The following AMDHD2 variants were observed in gnomAD, a reference collection of about 807,000 sequenced individuals.
AMDHD2 encodes N-acetylglucosamine-6-phosphate deacetylase.
A neutral mutation model predicts 41.8 loss-of-function variants in AMDHD2; 24 were observed. That is an observed-to-expected ratio of 0.57 (90% CI 0.42 to 0.81). The LOEUF is 0.81. Among genes scored for constraint, AMDHD2 ranks in the 30% least tolerant of loss-of-function variants. AMDHD2 has a pLI of 0.00. For synonymous variants in AMDHD2, 332 were observed against 255.5 expected, an observed-to-expected ratio of 1.30 and a Z score of -2.85; for missense variants, 540 against 588.5, an observed-to-expected ratio of 0.92 and a Z score of 0.85.
At chr16:2,524,720 G>T (rs531352331) in intron 3 of AMDHD2, among the ~76,000 whole-genome samples, 157 of 152,126 alleles carry the variant, frequency 1.0e-3, no homozygotes, top group Non-Finnish European at 1.7e-3. Flanking sequence ...TGGAATTTGC[G>T]CCCGTAGCTC....
intron 9 of AMDHD2, 107 bp downstream of exon 9, chr16:2,528,825 C>T (rs944480723): frequency 3.2e-6 from 5 of 1,565,146 alleles, no homozygotes; most frequent in Non-Finnish European, 4.3e-6. Flanking sequence ...CACAGGAGCT[C>T]CTGGGCATTG....
Position 2,520,869 on chromosome 16 carries a change from A to T in AMDHD2, c.184A>T (p.Ile62Phe). The T allele has an allele frequency of 5.0e-6, 8 of 1,609,196 alleles. No individual in the cohort carries two copies. The highest frequency in any genetic ancestry group is 6.8e-6 in the Non-Finnish European group (8 of 1,177,832). Residue 62 changes from isoleucine (I) to phenylalanine (F), a missense_variant, in exon 2 of 11, where the codon ATC becomes TTC. Transcript: ENST00000293971. Reference protein sequence around the residue: ...ADERRDCGGRILAPGFIDVQI... With the variant: ...ADERRDCGGRFLAPGFIDVQI... ...CGAGCGGCGGGACTGCGGGGGCCGCATCTTGGCTCCCGGATTCATCGACGT... is the reference window on the plus strand; with the variant it reads ...CGAGCGGCGGGACTGCGGGGGCCGCTTCTTGGCTCCCGGATTCATCGACGT...
intron 3 of AMDHD2, among the ~76,000 whole-genome samples, chr16:2,524,556 GA>G (rs966602877): frequency 8.5e-5 from 13 of 152,222 alleles, no homozygotes; most frequent in African/African-American, 3.1e-4. Context: ...CTCCATTCTG[GA>G]AAAACTCAGC....
At position 2,522,780 on chromosome 16, in the gene AMDHD2, C is replaced by G. The variant is rs1399127985; in HGVS notation, c.360+1657C>G. ...TCTACTGCCTCGGCCTCCCATAGTG[C>G]TGGGATTATAGGCGAGAGCCACTGT... On this transcript the variant is annotated intron_variant, in intron 3 of 10. Transcript: ENST00000293971. Among the ~76,000 whole-genome samples the G allele has an allele frequency of 2.0e-5, 3 of 151,948 alleles. No homozygotes were observed. In the East Asian group the frequency reaches 5.8e-4, roughly 29 times the overall value.
chr16:2,523,273 G>A (rs1170954414), intron 3 of AMDHD2, among the ~76,000 whole-genome samples: 10 of 152,102 alleles, frequency 6.6e-5, no homozygotes, highest in Admixed American at 1.3e-4. Flanking sequence ...CAGAGCCCCC[G>A]CCGTTTTCCC....
At chr16:2,525,692 T>C (rs373390046) in intron 3 of AMDHD2, among the ~76,000 whole-genome samples, 25 of 152,226 alleles carry the variant, frequency 1.6e-4, no homozygotes, top group African/African-American at 5.1e-4. Context: ...CTACAGGTGC[T>C]CGCCACCACG....
At position 2,530,677 on chromosome 16, in the gene AMDHD2, A is replaced by G; in HGVS notation, c.*1114A>G. The G allele has an allele frequency of 6.2e-7, 1 of 1,614,076 alleles. No homozygotes were observed. The highest frequency in any genetic ancestry group is 8.5e-7 in the Non-Finnish European group (1 of 1,179,946). On this transcript the variant is annotated 3_prime_UTR_variant, in exon 11 of 11. Transcript: ENST00000293971. ...CAGTTAAGGAAATGTCTCCAGGTCC[A>G]AAGAGATAGGATGGTCTGGGCCCCA...
chr16:2,521,853 G>C (rs2065943509), intron 3 of AMDHD2, among the ~76,000 whole-genome samples: 1 of 126,536 alleles, frequency 7.9e-6, no homozygotes, highest in African/African-American at 3.0e-5. Context: ...GCACAATCTT[G>C]GCTCACTGCA....
At chr16:2,526,751 T>C (rs1002715013) in intron 3 of AMDHD2, among the ~76,000 whole-genome samples, 18 of 151,856 alleles carry the variant, frequency 1.2e-4, no homozygotes, top group African/African-American at 4.1e-4. Flanking sequence ...ACCTACATGG[T>C]GAAACCCCGC....
rs530024687 is a variant in AMDHD2 at position 2,525,022 on chromosome 16, C to T, written c.361-2539C>T. 2.6e-5 allele frequency among the ~76,000 whole-genome samples: 4 copies of T among 151,698 alleles called. No individual in the cohort carries two copies. The Admixed American group carries it at 2.6e-4, about 10-fold the overall frequency. ...TTCTTGGCTCTAACCCAATTCCAGG[C>T]TTCCTCCTGATTGTTTCACTCTTCT... On this transcript the variant is annotated intron_variant, in intron 3 of 10. Transcript: ENST00000293971.
At chr16:2,528,784 C>T (rs1388014307) in intron 9 of AMDHD2, 66 bp downstream of exon 9, 30 of 1,592,872 alleles carry the variant, frequency 1.9e-5, no homozygotes, top group Admixed American at 3.7e-5. Context: ...GGGGCTGGAC[C>T]GGGTGCCCGG....
chr16:2,522,457 C>A (rs1217374542), intron 3 of AMDHD2, among the ~76,000 whole-genome samples: 1 of 152,074 alleles, frequency 6.6e-6, no homozygotes, highest in Non-Finnish European at 1.5e-5. Flanking sequence ...GCAGGCGGAC[C>A]ACGAAGTCAG....
In AMDHD2 at chr16:2,530,148, G is replaced by GC; in HGVS notation, c.*588dup. On this transcript the variant is annotated 3_prime_UTR_variant, in exon 11 of 11. Transcript: ENST00000293971. ...CTCTGACCTCCAGGAGGGAGACTGG[G>GC]CCCGGGACCCCTGTTTTCTGCTCCC... is the stretch of plus-strand genomic sequence containing the variant. 7.1e-7 allele frequency: 1 copy of GC among 1,415,208 alleles called. No individual in the cohort carries two copies. The highest frequency in any genetic ancestry group is 1.4e-5 in the South Asian group (1 of 70,906). The allele number at this position is 1,415,208 out of a possible 1,614,324, so 87.7% of individuals were successfully genotyped here.
chr16:2,527,731 TG>T lies in AMDHD2; in HGVS notation c.416-38del, dbSNP rs773254130. ...GGGAGGGCAGGTGATAAGGGCTGGG[TG>T]GGGCAGGGACCTGCTGGAGCCACTT... On this transcript the variant is annotated intron_variant, in intron 4 of 10. Coordinates refer to ENST00000293971, the MANE Select transcript of AMDHD2 (RefSeq NM_001330449.2). This position sits in a 1 kb window ranked among gnomAD's most constrained non-coding sequence, Gnocchi z 6.1. 2 of 1,551,504 alleles carry T rather than the reference TG, an allele frequency of 1.3e-6. No homozygotes were observed. Among genetic ancestry groups the T allele is most frequent in the East Asian group, 2.3e-5 (1 of 43,632 alleles).
At chr16:2,522,926 C>G (rs1196299443) in intron 3 of AMDHD2, among the ~76,000 whole-genome samples, 2 of 151,152 alleles carry the variant, frequency 1.3e-5, no homozygotes, top group Admixed American at 6.6e-5. Flanking sequence ...TCACTACAAC[C>G]TCCGCCTCCT....
rs549420790 is a variant in AMDHD2, at chr16:2,529,258, C to G, written c.1141+163C>G. On this transcript the variant is annotated intron_variant, in intron 10 of 10. Transcript: ENST00000293971. ...CTCAGTTGTAGCCCCGTGTTGCCAT[C>G]AGGCCGGGCTTTCTGGTGTTGCAGA... 5.7e-6 allele frequency: 6 copies of G among 1,045,474 alleles called. No homozygotes were observed. The African/African-American group carries it at 9.6e-5, about 17-fold the overall frequency. 64.8% of individuals were successfully genotyped at this position (1,045,474 alleles called of 1,614,324 possible).
Position 2,521,241 on chromosome 16 carries a change from C to T in AMDHD2, c.360+118C>T, listed in dbSNP as rs901053629. 2.3e-5 allele frequency: 30 copies of T among 1,308,714 alleles called. No individual in the cohort carries two copies. The Admixed American group carries it at 5.6e-4, about 24-fold the overall frequency. 81.1% of individuals were successfully genotyped at this position (1,308,714 alleles called of 1,614,324 possible). On this transcript the variant is annotated intron_variant, in intron 3 of 10. Coordinates refer to ENST00000293971, the MANE Select transcript of AMDHD2 (RefSeq NM_001330449.2). ...ACGTATTCCATGGTCCTGAGTCTGGCCTCCTTTGATGACCGGATCTGGGCC... is the reference window on the plus strand; with the variant it reads ...ACGTATTCCATGGTCCTGAGTCTGGTCTCCTTTGATGACCGGATCTGGGCC...
In AMDHD2 at chr16:2,520,529, G is replaced by C. The variant is rs970282071; in HGVS notation, c.71G>C (p.Gly24Ala). The change falls in exon 1 of 11, where the codon GGG (glycine) becomes GCG (alanine). Residue 24 changes from glycine (G) to alanine (A), a missense_variant. By Grantham distance (60) the Gly-to-Ala change is moderately conservative. Coordinates refer to ENST00000293971, the MANE Select transcript of AMDHD2 (RefSeq NM_001330449.2). ...QFTNCRILRG[G>A]KLLREDLWVR... ...ACTAACTGCCGGATCCTGCGCGGAG[G>C]GAAACTGCTCAGGTGGGCGCGGGCC... The C allele has an allele frequency of 2.4e-6, 3 of 1,240,090 alleles. No homozygotes were observed. The highest frequency in any genetic ancestry group is 4.1e-5 in the Admixed American group (1 of 24,270). The allele number at this position is 1,240,090 out of a possible 1,614,324, so 76.8% of individuals were successfully genotyped here.
At chr16:2,521,645 T>G (rs2141898516) in intron 3 of AMDHD2, among the ~76,000 whole-genome samples, 1 of 152,306 alleles carries the variant, frequency 6.6e-6, no homozygotes, top group East Asian at 1.9e-4. Flanking sequence ...TTTTAATTTT[T>G]ACTTAGGTTC....
Sources: gnomAD v4.1 joint callset for allele counts (sites outside exome capture counted in the v4.1 genomes callset) on GRCh38, gnomAD v4.1.1 for gene constraint, Gnocchi (gnomAD v3.1) non-coding constraint, MANE v1.5 for transcripts, NCBI Gene and HGNC (gene_info 2026-07-23, HGNC 2026-07-21) for gene names.